The following DOK5 variants were observed in gnomAD, a reference collection of about 807,000 sequenced individuals.
DOK5 encodes the protein downstream of tyrosine kinase 5.
A neutral mutation model predicts 43.3 loss-of-function variants in DOK5; 27 were observed. The observed-to-expected ratio is 0.62, with a 90% CI of 0.46 to 0.86. The LOEUF (loss-of-function observed/expected upper bound fraction) is 0.86, where lower values mean the gene tolerates loss of function less well. Ranked by LOEUF, DOK5 falls within the 40% of genes least tolerant of loss-of-function variation. The pLI is 0.00. For synonymous variants in DOK5, 146 were observed against 140.1 expected (o/e 1.04, Z -0.30); for missense variants, 373 against 392.9 (o/e 0.95, Z 0.43).
intron 1 of DOK5, among the ~76,000 whole-genome samples, chr20:54,524,253 C>T (rs796698913): frequency 3.9e-5 from 6 of 152,160 alleles, no homozygotes; most frequent in African/African-American, 1.4e-4. Context: ...TGAGGGGCAG[C>T]TTAGCTTCAG....
chr20:54,539,661 C>T (rs1009207690), intron 1 of DOK5, among the ~76,000 whole-genome samples: 1 of 152,170 alleles, frequency 6.6e-6, no homozygotes, highest in African/African-American at 2.4e-5. Flanking sequence ...ATTGGAGAAT[C>T]AGACGCCATG....
chr20:54,602,278 A>C (rs1986321625), intron 5 of DOK5, among the ~76,000 whole-genome samples: 2 of 152,222 alleles, frequency 1.3e-5, no homozygotes, highest in African/African-American at 4.8e-5. Flanking sequence ...CATTTGAAAT[A>C]TGAAGTCATG....
intron 6 of DOK5, among the ~76,000 whole-genome samples, chr20:54,615,246 G>C (rs1437792240): frequency 6.6e-6 from 1 of 152,194 alleles, no homozygotes; most frequent in Non-Finnish European, 1.5e-5. Context: ...GAAGGGGCCT[G>C]TGGGTCCGAT....
chr20:54,498,665 A>G (rs1982484832), intron 1 of DOK5, among the ~76,000 whole-genome samples: 2 of 152,192 alleles, frequency 1.3e-5, no homozygotes, highest in Admixed American at 1.3e-4. Flanking sequence ...ATTACATTCA[A>G]TATTTAAGGG....
intron 6 of DOK5, among the ~76,000 whole-genome samples, chr20:54,632,008 G>A (rs767933593): frequency 6.6e-6 from 1 of 152,260 alleles, no homozygotes; most frequent in South Asian, 2.1e-4. Context: ...AATGGTAATG[G>A]GTAATAAATA....
intron 1 of DOK5, among the ~76,000 whole-genome samples, chr20:54,494,473 T>C (rs1407846757): frequency 6.6e-6 from 1 of 152,204 alleles, no homozygotes; most frequent in African/African-American, 2.4e-5. Context: ...TCTTAATGAC[T>C]GAAGCATTCC....
At chr20:54,603,807 G>T (rs1416900246) in intron 5 of DOK5, among the ~76,000 whole-genome samples, 1 of 151,980 alleles carries the variant, frequency 6.6e-6, no homozygotes, top group African/African-American at 2.4e-5. Flanking sequence ...GAAACTCCTA[G>T]AACCTACGTG....
At chr20:54,604,007 C>G (rs1232189655) in intron 5 of DOK5, among the ~76,000 whole-genome samples, 1 of 130,580 alleles carries the variant, frequency 7.7e-6, no homozygotes, top group Non-Finnish European at 1.5e-5. Flanking sequence ...AGTGCAGTGG[C>G]GCGATCTCGG....
At chr20:54,539,652 T>C (rs919869155) in intron 1 of DOK5, among the ~76,000 whole-genome samples, 4 of 152,156 alleles carry the variant, frequency 2.6e-5, no homozygotes, top group Admixed American at 6.5e-5. Context: ...AGATAGGCTA[T>C]TGGAGAATCA....
In DOK5 at chr20:54,622,142, C is replaced by T. The variant is rs1007616726; in HGVS notation, c.735+11619C>T. 4.0e-5 allele frequency among the ~76,000 whole-genome samples: 6 copies of T among 151,250 alleles called. No individual in the cohort carries two copies. The South Asian group carries it at 8.3e-4, about 21-fold the overall frequency. ...CCAGGAGTCGGAGGTTGCAGTGAGC[C>T]GAGATCACGCCATGAACTCCAGCCT... On this transcript the variant is annotated intron_variant, in intron 6 of 7. Coordinates refer to ENST00000262593, the MANE Select transcript of DOK5 (RefSeq NM_018431.5).
intron 2 of DOK5, 184 bp downstream of exon 2, chr20:54,555,224 T>G (rs1984669111): frequency 3.6e-6 from 2 of 558,834 alleles, no homozygotes; most frequent in Non-Finnish European, 6.4e-6. Context: ...GTAAAGTCAC[T>G]TTTCTGGTTT....
chr20:54,599,452 C>T (rs1986242297), intron 5 of DOK5, among the ~76,000 whole-genome samples: 1 of 152,144 alleles, frequency 6.6e-6, no homozygotes, highest in Non-Finnish European at 1.5e-5. Flanking sequence ...ACGGAGTAAC[C>T]TCTTTAATAA....
intron 1 of DOK5, among the ~76,000 whole-genome samples, chr20:54,510,358 A>T: frequency 6.6e-6 from 1 of 152,280 alleles, no homozygotes; most frequent in South Asian, 2.1e-4. Context: ...TTTTAAAAAC[A>T]GCTGATTTTA....
intron 2 of DOK5, among the ~76,000 whole-genome samples, chr20:54,577,541 G>A (rs1402820282): frequency 2.6e-5 from 4 of 152,210 alleles, no homozygotes; most frequent in Admixed American, 2.0e-4. Context: ...CATACAAGAA[G>A]CAATATTGTT....
chr20:54,590,364 T>C (rs1051173502), intron 4 of DOK5, among the ~76,000 whole-genome samples: 7 of 152,180 alleles, frequency 4.6e-5, no homozygotes, highest in African/African-American at 1.7e-4. Context: ...TATTACTCTT[T>C]TTAAATTTTT....
Position 54,591,648 on chromosome 20 carries a change from A to G in DOK5, c.442A>G (p.Asn148Asp). 4 of 1,612,424 alleles carry G rather than the reference A, an allele frequency of 2.5e-6. No homozygotes were observed. The highest frequency in any genetic ancestry group is 3.4e-6 in the Non-Finnish European group (4 of 1,179,400). ...RFNVYLMPSP[N>D]LDVHGECALQ... ...CAATGTGTATTTGATGCCATCTCCT[A>G]ACTTAGATGTACATGGCGAATGTGC... Residue 148 changes from asparagine (N) to aspartate (D), a missense_variant, in exon 5 of 8, where the codon AAC becomes GAC. Coordinates refer to ENST00000262593, the MANE Select transcript of DOK5 (RefSeq NM_018431.5).
intron 2 of DOK5, among the ~76,000 whole-genome samples, chr20:54,570,995 T>C (rs1209912161): frequency 6.6e-6 from 1 of 152,244 alleles, no homozygotes; most frequent in Admixed American, 6.5e-5. Flanking sequence ...TCATTTATGA[T>C]GAATAAGACA....
chr20:54,599,090 T>G (rs1448531236), intron 5 of DOK5, among the ~76,000 whole-genome samples: 1 of 152,252 alleles, frequency 6.6e-6, no homozygotes, highest in East Asian at 1.9e-4. Context: ...TCTTCTTAGG[T>G]AGCTTCTTAG....
chr20:54,585,820 A>G (rs1220021839), intron 2 of DOK5, among the ~76,000 whole-genome samples: 1 of 152,212 alleles, frequency 6.6e-6, no homozygotes, highest in Non-Finnish European at 1.5e-5. Flanking sequence ...ATCAAATGAG[A>G]TAGTCTCTAT....
Sources: allele counts gnomAD v4.1 joint callset (sites outside exome capture counted in the v4.1 genomes callset), GRCh38; gene constraint gnomAD v4.1.1; transcripts MANE v1.5; gene names NCBI Gene and HGNC (gene_info 2026-07-23, HGNC 2026-07-21).